The following PLCL2 variants were observed in gnomAD, a reference collection of about 807,000 sequenced individuals.
PLCL2 encodes the protein phospholipase C like 2.
A neutral mutation model predicts 79.6 loss-of-function variants in PLCL2; 4 were observed. The ratio of observed to expected loss-of-function variants is 0.05; its 90% CI spans 0.02 to 0.11. The LOEUF (loss-of-function observed/expected upper bound fraction) is 0.11, where lower values mean the gene tolerates loss of function less well. Ranked by LOEUF, PLCL2 falls within the 10% of genes least tolerant of loss-of-function variation. PLCL2 has a pLI of 1.00. For synonymous variants in PLCL2, 484 were observed against 457.7 expected (o/e 1.06, Z -0.73); for missense variants, 895 against 1,291.0 (o/e 0.69, Z 4.70).
chr3:17,055,727 A>G (rs1032200353), intron 4 of PLCL2, among the ~76,000 whole-genome samples: 12 of 152,180 alleles, frequency 7.9e-5, no homozygotes, highest in African/African-American at 2.9e-4. Context: ...TGGTGAGCAC[A>G]TTCAGGTTTT....
intron 1 of PLCL2, among the ~76,000 whole-genome samples, chr3:16,908,162 T>C (rs1183564257): frequency 6.6e-6 from 1 of 152,194 alleles, no homozygotes; most frequent in Non-Finnish European, 1.5e-5. Flanking sequence ...AACTCTTATA[T>C]ACCCATCTCC....
intron 4 of PLCL2, among the ~76,000 whole-genome samples, chr3:17,066,793 C>T (rs1476500452): frequency 6.6e-6 from 1 of 152,086 alleles, no homozygotes; most frequent in African/African-American, 2.4e-5. Context: ...ACATGCAGGA[C>T]ACTGTACATA....
At chr3:16,997,829 T>C (rs6805550) in intron 1 of PLCL2, among the ~76,000 whole-genome samples, 49,267 of 152,040 alleles carry the variant, frequency 0.32, 8,319 homozygotes, top group African/African-American at 0.33. Flanking sequence ...TGAGCCACTG[T>C]GTCCAGCCAC....
chr3:17,077,634 A>G (rs978547561), intron 5 of PLCL2, among the ~76,000 whole-genome samples: 1 of 152,194 alleles, frequency 6.6e-6, no homozygotes, highest in Admixed American at 6.5e-5. Flanking sequence ...CACTGTGTCA[A>G]TTGATTGCCA....
intron 4 of PLCL2, among the ~76,000 whole-genome samples, chr3:17,067,231 T>C (rs2065018938): frequency 6.6e-6 from 1 of 152,136 alleles, no homozygotes; most frequent in Admixed American, 6.5e-5. Flanking sequence ...TTAAATTGGA[T>C]TCAGCGGTCT....
intron 1 of PLCL2, among the ~76,000 whole-genome samples, chr3:16,889,120 A>G (rs1696289000): frequency 6.6e-6 from 1 of 152,194 alleles, no homozygotes; most frequent in Non-Finnish European, 1.5e-5. Flanking sequence ...ACGGTAGCCA[A>G]CACTTATTAA....
At chr3:16,969,677 T>C (rs186172883) in intron 1 of PLCL2, among the ~76,000 whole-genome samples, 3 of 152,148 alleles carry the variant, frequency 2.0e-5, no homozygotes, top group Non-Finnish European at 4.4e-5. Flanking sequence ...TCTTATTTAT[T>C]CCTACAAATA....
At chr3:16,995,949 A>C (rs1359577521) in intron 1 of PLCL2, among the ~76,000 whole-genome samples, 1 of 152,156 alleles carries the variant, frequency 6.6e-6, no homozygotes, top group East Asian at 1.9e-4. Context: ...ACACTCAAGT[A>C]AAGTAAACCC....
chr3:16,940,225 CA>C (rs1471577100), intron 1 of PLCL2, among the ~76,000 whole-genome samples: 3 of 152,116 alleles, frequency 2.0e-5, no homozygotes, highest in Admixed American at 2.0e-4. Flanking sequence ...GCCTCTTCTT[CA>C]AAAAACTTTC....
chr3:16,970,894 C>T (rs2124978769), intron 1 of PLCL2, among the ~76,000 whole-genome samples: 1 of 151,576 alleles, frequency 6.6e-6, no homozygotes, highest in Middle Eastern at 3.4e-3. Flanking sequence ...CCTTCGCCCA[C>T]TTTTTGATGG....
intron 3 of PLCL2, among the ~76,000 whole-genome samples, chr3:17,027,350 A>C (rs367923671): frequency 6.6e-6 from 1 of 152,212 alleles, no homozygotes; most frequent in Non-Finnish European, 1.5e-5. Flanking sequence ...ATGAACTTCA[A>C]ATTTTGCTCT....
rs1559295246 is a variant in PLCL2 at position 17,090,056 on chromosome 3, CT to C, written c.*145del. 7.2e-7 allele frequency: 1 copy of C among 1,393,562 alleles called. No individual in the cohort carries two copies. The highest frequency in any genetic ancestry group is 9.3e-7 in the Non-Finnish European group (1 of 1,072,068). The allele number at this position is 1,393,562 out of a possible 1,614,324, so 86.3% of individuals were successfully genotyped here. A position where few individuals can be genotyped will look rare whatever the true frequency, so the allele number is the denominator to read the frequency against. On this transcript the variant is annotated 3_prime_UTR_variant, in exon 6 of 6. Transcript: ENST00000615277. ...AATAGCTAATTACAGTCTATTAAAA[CT>C]GTGAATGTATGTAGCAATCCTGCGT...
At chr3:16,998,317 A>G (rs893548274) in intron 1 of PLCL2, among the ~76,000 whole-genome samples, 3 of 152,242 alleles carry the variant, frequency 2.0e-5, no homozygotes, top group African/African-American at 7.2e-5. Flanking sequence ...ATGTGATTCA[A>G]CTTGCATACC....
At chr3:16,993,303 A>G (rs1015372331) in intron 1 of PLCL2, among the ~76,000 whole-genome samples, 1 of 152,090 alleles carries the variant, frequency 6.6e-6, no homozygotes, top group African/African-American at 2.4e-5. Context: ...ACCTTGGGTA[A>G]TATAGTTCAC....
At chr3:16,926,992 A>G (rs1697272042) in intron 1 of PLCL2, among the ~76,000 whole-genome samples, 1 of 152,164 alleles carries the variant, frequency 6.6e-6, no homozygotes, top group African/African-American at 2.4e-5. Flanking sequence ...AATTAAAAAT[A>G]TTTATTTGCT....
rs1432917555 is a variant in PLCL2 at position 17,009,920 on chromosome 3, A to C, written c.574A>C (p.Lys192Gln). 2 of 1,613,978 alleles carry C rather than the reference A, an allele frequency of 1.2e-6. No individual in the cohort carries two copies. The highest frequency in any genetic ancestry group is 1.7e-6 in the Non-Finnish European group (2 of 1,179,816). ...AGCCAAGATTGACATTAAATCCATC[A>C]AGGAAGTGAGAACAGGAAAAAACAC... ...EKAKIDIKSI[K>Q]EVRTGKNTDI... The change falls in exon 2 of 6, where the codon AAG (lysine) becomes CAG (glutamine). Residue 192 changes from lysine to glutamine, a missense_variant. Coordinates refer to ENST00000615277, the MANE Select transcript of PLCL2 (RefSeq NM_001144382.2). This position sits in a 1 kb window ranked among gnomAD's most constrained non-coding sequence, Gnocchi z 4.0.
chr3:16,893,616 C>T (rs1445021386), intron 1 of PLCL2, among the ~76,000 whole-genome samples: 1 of 152,118 alleles, frequency 6.6e-6, no homozygotes, highest in South Asian at 2.1e-4. Flanking sequence ...CTGATTAGTA[C>T]ATTTAGCTCC....
intron 4 of PLCL2, among the ~76,000 whole-genome samples, chr3:17,061,238 C>T (rs1169979076): frequency 2.6e-5 from 4 of 152,142 alleles, no homozygotes; most frequent in Admixed American, 2.6e-4. Context: ...TCTGACTTGG[C>T]CCTCACTTCC....
chr3:17,035,681 G>A, intron 3 of PLCL2: 1 of 441,254 alleles, frequency 2.3e-6, no homozygotes, highest in Non-Finnish European at 4.5e-6. Flanking sequence ...TCAAGGGTTT[G>A]TGATTAAATT....
Sources: gnomAD v4.1 joint callset for allele counts (sites outside exome capture counted in the v4.1 genomes callset) on GRCh38, gnomAD v4.1.1 for gene constraint, Gnocchi (gnomAD v3.1) non-coding constraint, MANE v1.5 for transcripts, NCBI Gene and HGNC (gene_info 2026-07-23, HGNC 2026-07-21) for gene names.